The following GPR176 variants were observed in gnomAD, a reference collection of about 807,000 sequenced individuals.
GPR176 encodes the protein G protein-coupled receptor 176, also known as G-protein coupled receptor 176.
GPR176 carries 26 observed loss-of-function variants against 35.4 expected under a neutral mutation model. That is an observed-to-expected ratio of 0.74 (90% CI 0.54 to 1.02). The LOEUF (loss-of-function observed/expected upper bound fraction) is 1.02. Ranked by LOEUF, GPR176 falls within the 50% of genes least tolerant of loss-of-function variation. GPR176 has a pLI of 0.00. For synonymous variants in GPR176, 278 were observed against 271.3 expected (o/e 1.02, Z -0.24); for missense variants, 597 against 665.3 (o/e 0.90, Z 1.13).
intron 1 of GPR176, among the ~76,000 whole-genome samples, chr15:39,863,465 A>T (rs1479502890): frequency 6.6e-6 from 1 of 152,116 alleles, no homozygotes; most frequent in Non-Finnish European, 1.5e-5. Flanking sequence ...ATTACAAAAG[A>T]ATCCAAAAGC....
At chr15:39,811,246 C>G (rs1052460248) in intron 1 of GPR176, among the ~76,000 whole-genome samples, 1 of 151,784 alleles carries the variant, frequency 6.6e-6, no homozygotes, top group Non-Finnish European at 1.5e-5. Flanking sequence ...CCAGGCTGCT[C>G]TCAAGCTCCT....
intron 1 of GPR176, among the ~76,000 whole-genome samples, chr15:39,861,328 G>C (rs1289194759): frequency 6.6e-6 from 1 of 152,128 alleles, no homozygotes. Flanking sequence ...GAGGCTGGCA[G>C]ATCACAAAGT....
chr15:39,856,032 A>G (rs1002499847), intron 1 of GPR176, among the ~76,000 whole-genome samples: 3 of 152,212 alleles, frequency 2.0e-5, no homozygotes, highest in Non-Finnish European at 4.4e-5. Context: ...AATATCACCT[A>G]GCTAGTAAGT....
At chr15:39,846,329 G>C (rs1202467112) in intron 1 of GPR176, among the ~76,000 whole-genome samples, 8 of 152,180 alleles carry the variant, frequency 5.3e-5, no homozygotes, top group Non-Finnish European at 1.2e-4. Flanking sequence ...AGCTAACCAT[G>C]AGAGGAATTT....
In GPR176 at chr15:39,801,621, G is replaced by A; in HGVS notation, c.1059C>T (p.Gly353=). The A allele has an allele frequency of 6.2e-7, 1 of 1,614,096 alleles. No homozygotes were observed. Among genetic ancestry groups the A allele is most frequent in the Non-Finnish European group, 8.5e-7 (1 of 1,179,970 alleles). ...SRRNVVSTGS[G]MAEASLEPSI... is the part of the protein sequence containing the mutation. ...TGGGTTCCAGGCTGGCCTCAGCCATGCCACTCCCTGTACTGACCACATTAC... is the reference window on the plus strand; with the variant it reads ...TGGGTTCCAGGCTGGCCTCAGCCATACCACTCCCTGTACTGACCACATTAC... The change falls in exon 3 of 3, where the codon GGC becomes GGT. Residue 353 remains glycine (G), a synonymous_variant. Transcript: ENST00000561100.
At chr15:39,829,313 T>C in intron 1 of GPR176, 2 of 1,379,194 alleles carry the variant, frequency 1.5e-6, no homozygotes, top group Non-Finnish European at 1.9e-6. Flanking sequence ...AAGAAAGCCA[T>C]GAGGTCACAA....
chr15:39,908,930 C>T (rs879493278), intron 1 of GPR176, among the ~76,000 whole-genome samples: 6 of 152,074 alleles, frequency 3.9e-5, no homozygotes, highest in Non-Finnish European at 8.8e-5. Context: ...CCCTTGTATC[C>T]CAGGGTGGGA....
intron 1 of GPR176, among the ~76,000 whole-genome samples, chr15:39,830,726 A>C (rs1403984499): frequency 6.6e-6 from 1 of 152,254 alleles, no homozygotes; most frequent in Non-Finnish European, 1.5e-5. Context: ...TGAGATTTCA[A>C]CTTTAATGCT....
At chr15:39,867,581 G>C (rs761161989) in intron 1 of GPR176, among the ~76,000 whole-genome samples, 58 of 152,150 alleles carry the variant, frequency 3.8e-4, no homozygotes, top group Non-Finnish European at 7.1e-4. Flanking sequence ...GAGGATTTTA[G>C]GTGGCTGAGT....
chr15:39,824,046 G>C (rs762482939), intron 1 of GPR176, among the ~76,000 whole-genome samples: 9 of 152,136 alleles, frequency 5.9e-5, no homozygotes, highest in Non-Finnish European at 1.2e-4. Context: ...TGAATGGCCC[G>C]GTGCCATCCC....
At chr15:39,827,742 A>C (rs539793141) in intron 1 of GPR176, among the ~76,000 whole-genome samples, 1 of 152,350 alleles carries the variant, frequency 6.6e-6, no homozygotes, top group Non-Finnish European at 1.5e-5. Flanking sequence ...ATGGAAAAAA[A>C]CACAATCACT....
chr15:39,878,925 G>C (rs574878220), intron 1 of GPR176, among the ~76,000 whole-genome samples: 3 of 152,240 alleles, frequency 2.0e-5, no homozygotes, highest in Non-Finnish European at 4.4e-5. Flanking sequence ...TAGGCACTGA[G>C]GACACGGTCC....
chr15:39,837,636 T>C (rs549128174), intron 1 of GPR176, among the ~76,000 whole-genome samples: 1 of 152,090 alleles, frequency 6.6e-6, no homozygotes, highest in Non-Finnish European at 1.5e-5. Flanking sequence ...ACAGTAGTAG[T>C]AGTAGCAGCT....
At chr15:39,803,711 G>A (rs12050656) in intron 2 of GPR176, among the ~76,000 whole-genome samples, 2 of 152,224 alleles carry the variant, frequency 1.3e-5, no homozygotes, top group South Asian at 2.1e-4. Flanking sequence ...TAATAATTAC[G>A]AACAAGGAGA....
rs1898893266 is a variant in GPR176 at position 39,801,860 on chromosome 15, C to T, written c.820G>A (p.Val274Ile). Residue 274 changes from valine to isoleucine, a missense_variant, in exon 3 of 3, where the codon GTC (valine) becomes ATC (isoleucine). By Grantham distance (29) the Val-to-Ile change is conservative (BLOSUM62 3). Coordinates refer to ENST00000561100, the MANE Select transcript of GPR176 (RefSeq NM_007223.3). ...TAGGGCACGCTACACAAGATGAAGA[C>T]CATCACCATGGAGAGCAGGGTGGCG... ...LHATLLSMVM[V>I]FILCSVPYAT... 1 of 1,613,928 alleles carries T rather than the reference C, an allele frequency of 6.2e-7. No individual in the cohort carries two copies. The highest frequency in any genetic ancestry group is 8.5e-7 in the Non-Finnish European group (1 of 1,179,984).
intron 1 of GPR176, among the ~76,000 whole-genome samples, chr15:39,887,901 C>T (rs551587636): frequency 6.2e-4 from 94 of 152,330 alleles, no homozygotes; most frequent in Non-Finnish European, 1.1e-3. Flanking sequence ...ATAAAAGAAG[C>T]TCTCTGCCAT....
At chr15:39,895,267 AGAGGGAGACCGTGGGG>A (rs2033072858) in intron 1 of GPR176, among the ~76,000 whole-genome samples, 1 of 90,556 alleles carries the variant, frequency 1.1e-5, no homozygotes, top group African/African-American at 4.1e-5. Context: ...GGGGAGAGGG[AGAGGGAGACCGTGGGG>A]AGAGGAAGAG....
chr15:39,884,927 G>C (rs981475210), intron 1 of GPR176, among the ~76,000 whole-genome samples: 2 of 152,152 alleles, frequency 1.3e-5, no homozygotes, highest in Non-Finnish European at 2.9e-5. Flanking sequence ...AATAATAAAA[G>C]CATGGATACT....
intron 2 of GPR176, among the ~76,000 whole-genome samples, chr15:39,804,617 T>TAA (rs36014645): frequency 2.2e-5 from 3 of 138,444 alleles, no homozygotes; most frequent in African/African-American, 5.3e-5. Context: ...GAGTCTTATT[T>TAA]AAAAAAAAAA....
Sources: allele counts gnomAD v4.1 joint callset (sites outside exome capture counted in the v4.1 genomes callset), GRCh38; gene constraint gnomAD v4.1.1; transcripts MANE v1.5; gene names NCBI Gene and HGNC (gene_info 2026-07-23, HGNC 2026-07-21).